Variants in GABRG3 observed in about 807,000 individuals in gnomAD.
GABRG3 encodes gamma-aminobutyric acid receptor subunit gamma-3.
GABRG3 carries 25 observed loss-of-function variants against 48.8 expected under a neutral mutation model. The observed-to-expected ratio is 0.51, with a 90% confidence interval of 0.37 to 0.72. GABRG3 has a LOEUF of 0.72. Ranked by LOEUF, GABRG3 falls within the 30% of genes least tolerant of loss-of-function variation. The pLI is 0.00. For synonymous variants in GABRG3, 227 were observed against 217.6 expected, an observed-to-expected ratio of 1.04 and a Z score of -0.38; for missense variants, 394 against 577.9, an observed-to-expected ratio of 0.68 and a Z score of 3.26.
At chr15:27,147,240 G>A (rs1898225724) in intron 3 of GABRG3, among the ~76,000 whole-genome samples, 1 of 152,106 alleles carries the variant, frequency 6.6e-6, no homozygotes, top group South Asian at 2.1e-4. Context: ...TGATAAATGA[G>A]TCAATTCATC....
chr15:27,468,486 G>A (rs186269853), intron 5 of GABRG3, among the ~76,000 whole-genome samples: 4 of 152,292 alleles, frequency 2.6e-5, no homozygotes, highest in East Asian at 3.9e-4. Flanking sequence ...ATTCAGTGCC[G>A]TGTTGGATCC....
At chr15:27,521,694 T>C (rs897122868) in intron 7 of GABRG3, among the ~76,000 whole-genome samples, 2 of 151,834 alleles carry the variant, frequency 1.3e-5, no homozygotes, top group Non-Finnish European at 2.9e-5. Context: ...AATTCTAGAG[T>C]GAAATGTATA....
At chr15:27,419,401 A>G (rs1185788479) in intron 5 of GABRG3, among the ~76,000 whole-genome samples, 1 of 152,026 alleles carries the variant, frequency 6.6e-6, no homozygotes, top group Non-Finnish European at 1.5e-5. Flanking sequence ...TCAATTGTCT[A>G]GCATAGTCTT....
rs147459440 is a variant in GABRG3 at position 27,265,881 on chromosome 15, G to GTTTTTTTTTTTTTTTTTTTTTTTTTT, written c.271-60928_271-60927insTTTTTTTTTTTTTTTTTTTTTTTTTT. On this transcript the variant is annotated intron_variant, in intron 3 of 9. Transcript: ENST00000615808. ...TGCAAGGTCAAGAAGATTTTCTCCTGGTTTTTTTTTTTTTTTGAGAGTGAC... is the reference window on the plus strand; with the variant it reads ...TGCAAGGTCAAGAAGATTTTCTCCTGTTTTTTTTTTTTTTTTTTTTTTTTTTGTTTTTTTTTTTTTTTGAGAGTGAC... 4.8e-5 allele frequency among the ~76,000 whole-genome samples: 6 copies of GTTTTTTTTTTTTTTTTTTTTTTTTTT among 124,818 alleles called. 1 individual carries two copies. Among genetic ancestry groups the GTTTTTTTTTTTTTTTTTTTTTTTTTT allele is most frequent in the African/African-American group, 1.5e-4 (4 of 27,002 alleles). The allele number at this position is 124,818 out of a possible 152,430, so 81.9% of individuals were successfully genotyped here. A position where few individuals can be genotyped will look rare whatever the true frequency, so the allele number is the denominator to read the frequency against.
At chr15:27,229,569 C>G (rs952738832) in intron 3 of GABRG3, among the ~76,000 whole-genome samples, 4 of 151,868 alleles carry the variant, frequency 2.6e-5, no homozygotes, top group East Asian at 1.9e-4. Flanking sequence ...TTCTACCTCC[C>G]GGGTTCAAGC....
intron 3 of GABRG3, among the ~76,000 whole-genome samples, chr15:27,303,599 A>G (rs1455809868): frequency 6.6e-6 from 1 of 151,852 alleles, no homozygotes; most frequent in Non-Finnish European, 1.5e-5. Context: ...GAAGAAAAGG[A>G]AACGTATCCC....
At chr15:27,341,852 T>G (rs1259147689) in intron 5 of GABRG3, among the ~76,000 whole-genome samples, 1 of 152,122 alleles carries the variant, frequency 6.6e-6, no homozygotes, top group African/African-American at 2.4e-5. Flanking sequence ...GGGATGAAGA[T>G]TAAAAAATAT....
At chr15:27,416,135 A>G (rs141193662) in intron 5 of GABRG3, among the ~76,000 whole-genome samples, 52 of 152,360 alleles carry the variant, frequency 3.4e-4, no homozygotes, top group Non-Finnish European at 6.6e-4. Flanking sequence ...TTTGGCTTAC[A>G]TGTCAAACTG....
At chr15:27,333,701 A>G (rs1367978665) in intron 5 of GABRG3, among the ~76,000 whole-genome samples, 1 of 152,200 alleles carries the variant, frequency 6.6e-6, no homozygotes, top group Non-Finnish European at 1.5e-5. Context: ...CACGAGTACT[A>G]GTCACTCAGA....
intron 3 of GABRG3, among the ~76,000 whole-genome samples, chr15:27,063,226 G>A (rs893641761): frequency 7.2e-5 from 11 of 152,216 alleles, no homozygotes; most frequent in African/African-American, 1.4e-4. Context: ...CCCTGCCTGC[G>A]CCTCAGGGAC....
intron 3 of GABRG3, among the ~76,000 whole-genome samples, chr15:27,098,873 T>C (rs1897309805): frequency 6.6e-6 from 1 of 151,940 alleles, no homozygotes; most frequent in South Asian, 2.1e-4. Context: ...TGGTTTCCTC[T>C]TAGGACCAAA....
At chr15:27,254,959 C>T (rs114043282) in intron 3 of GABRG3, among the ~76,000 whole-genome samples, 3,745 of 152,144 alleles carry the variant, frequency 0.025, 138 homozygotes, top group African/African-American at 0.087. Context: ...TTGGGAGGTG[C>T]AACCACAGCC....
intron 3 of GABRG3, among the ~76,000 whole-genome samples, chr15:27,233,104 G>A (rs1429090382): frequency 6.6e-6 from 1 of 152,054 alleles, no homozygotes; most frequent in African/African-American, 2.4e-5. Context: ...TGTGTTGGAA[G>A]CTGCTCCCAC....
intron 6 of GABRG3, among the ~76,000 whole-genome samples, chr15:27,487,982 G>A (rs1413915300): frequency 1.3e-5 from 2 of 152,136 alleles, no homozygotes; most frequent in East Asian, 3.9e-4. Flanking sequence ...GAAATGCGAG[G>A]GCGAGCCGTC....
chr15:26,976,991 TG>T lies in GABRG3; in HGVS notation c.54-10del. The T allele has an allele frequency of 6.2e-7, 1 of 1,613,880 alleles. No individual in the cohort carries two copies. Among genetic ancestry groups the T allele is most frequent in the Non-Finnish European group, 8.5e-7 (1 of 1,179,856 alleles). On this transcript the variant is annotated splice_polypyrimidine_tract_variant and intron_variant, in intron 1 of 9. Coordinates refer to ENST00000615808, the MANE Select transcript of GABRG3 (RefSeq NM_033223.5). The surrounding 1 kb of genome is among the most constrained non-coding windows in gnomAD (Gnocchi z 7.8). Reference sequence around the variant, plus strand: ...CCACTTATATGTCGCATTTTTGTGCTGTAACTCCAGGTCCAGAAAGGTGGAA... The same window carrying T: ...CCACTTATATGTCGCATTTTTGTGCTTAACTCCAGGTCCAGAAAGGTGGAA...
intron 3 of GABRG3, among the ~76,000 whole-genome samples, chr15:27,275,012 C>G (rs1891208537): frequency 6.6e-6 from 1 of 152,078 alleles, no homozygotes; most frequent in Non-Finnish European, 1.5e-5. Flanking sequence ...AAACTGAAGT[C>G]TAGTGAGGGC....
chr15:27,406,230 G>A (rs1478783128), intron 5 of GABRG3, among the ~76,000 whole-genome samples: 1 of 152,118 alleles, frequency 6.6e-6, no homozygotes, highest in Admixed American at 6.5e-5. Context: ...GGGGAGGGAA[G>A]AAACACAAAT....
At chr15:26,973,479 A>G (rs1894881943) in intron 1 of GABRG3, among the ~76,000 whole-genome samples, 1 of 152,222 alleles carries the variant, frequency 6.6e-6, no homozygotes, top group African/African-American at 2.4e-5. Flanking sequence ...AGACATGTGA[A>G]ATAATCTGAT....
chr15:27,260,601 T>A (rs895671301), intron 3 of GABRG3, among the ~76,000 whole-genome samples: 2 of 152,216 alleles, frequency 1.3e-5, no homozygotes, highest in African/African-American at 4.8e-5. Flanking sequence ...TGCCATTTTA[T>A]CTCAGGGACT....
Sources: gnomAD v4.1 joint callset for allele counts (sites outside exome capture counted in the v4.1 genomes callset) on GRCh38, gnomAD v4.1.1 for gene constraint, Gnocchi (gnomAD v3.1) non-coding constraint, MANE v1.5 for transcripts, NCBI Gene and HGNC (gene_info 2026-07-23, HGNC 2026-07-21) for gene names.